ANO1: variants seen among roughly 807,000 people sequenced by gnomAD.
The protein encoded by ANO1 is anoctamin 1, also known as anoctamin-1.
ANO1 carries 59 observed loss-of-function variants against 124.0 expected under a neutral mutation model. That is an observed-to-expected ratio of 0.48 (90% CI 0.39 to 0.59). The LOEUF (loss-of-function observed/expected upper bound fraction) is 0.59, where lower values mean the gene tolerates loss of function less well. Among genes scored for constraint, ANO1 ranks in the 20% least tolerant of loss-of-function variants. The pLI, the probability that ANO1 is intolerant of heterozygous loss-of-function variation, is 0.00. For synonymous variants in ANO1, 529 were observed against 532.0 expected (o/e 0.99, Z 0.08); for missense variants, 1,059 against 1,328.0 (o/e 0.80, Z 3.15).
intron 2 of ANO1, among the ~76,000 whole-genome samples, chr11:70,101,644 T>C (rs1239511455): frequency 6.6e-6 from 1 of 150,582 alleles, no homozygotes; most frequent in African/African-American, 2.4e-5. Flanking sequence ...TTGCTTTTTG[T>C]CAACAAGCTA....
At chr11:70,003,527 C>T (rs758941000) in intron 1 of ANO1, among the ~76,000 whole-genome samples, 19 of 150,986 alleles carry the variant, frequency 1.3e-4, no homozygotes, top group Non-Finnish European at 2.1e-4. Context: ...GCTGGGAGGG[C>T]ATATCACCCT....
At chr11:69,989,047 G>A (rs1263759176) in intron 1 of ANO1, among the ~76,000 whole-genome samples, 1 of 152,118 alleles carries the variant, frequency 6.6e-6, no homozygotes, top group Admixed American at 6.5e-5. Context: ...AGCTAATGTT[G>A]GTTGAGCAGG....
chr11:70,184,324 G>T (rs2049029522), intron 24 of ANO1, among the ~76,000 whole-genome samples: 1 of 152,196 alleles, frequency 6.6e-6, no homozygotes, highest in Admixed American at 6.5e-5. Context: ...CTGGGTCTCT[G>T]TGAAAAGAGG....
the ANO1 span, among the ~76,000 whole-genome samples, chr11:69,967,458 C>T: frequency 6.6e-6 from 1 of 152,242 alleles, no homozygotes; most frequent in East Asian, 1.9e-4. Context: ...TGGGGCCAGG[C>T]CCCCGCATTC....
At chr11:70,005,352 C>T (rs558082278) in intron 1 of ANO1, among the ~76,000 whole-genome samples, 15 of 152,276 alleles carry the variant, frequency 9.9e-5, no homozygotes, top group African/African-American at 3.6e-4. Flanking sequence ...ACTGATATAT[C>T]AGAGCATAAG....
At chr11:70,052,861 A>G (rs781893512) in intron 1 of ANO1, among the ~76,000 whole-genome samples, 9 of 152,074 alleles carry the variant, frequency 5.9e-5, no homozygotes, top group Non-Finnish European at 1.2e-4. Context: ...TTTGGAGAGA[A>G]TTAATGGTTA....
At chr11:70,128,295 G>C (rs748809582) in intron 10 of ANO1, among the ~76,000 whole-genome samples, 7 of 152,158 alleles carry the variant, frequency 4.6e-5, no homozygotes, top group Non-Finnish European at 8.8e-5. Flanking sequence ...CTTGGGTTTG[G>C]TTGTGGTAAA....
At chr11:70,011,534 A>G (rs928052297) in intron 1 of ANO1, among the ~76,000 whole-genome samples, 6 of 152,128 alleles carry the variant, frequency 3.9e-5, no homozygotes, top group Non-Finnish European at 8.8e-5. Flanking sequence ...TCCATTTTCA[A>G]TAAATTCCAC....
At chr11:70,166,285 T>C (rs2048250855) in intron 20 of ANO1, among the ~76,000 whole-genome samples, 1 of 151,992 alleles carries the variant, frequency 6.6e-6, no homozygotes, top group African/African-American at 2.4e-5. Context: ...ACCACTGCAC[T>C]CCAGCCTGGG....
chr11:70,043,593 A>G (rs11237664), intron 1 of ANO1, among the ~76,000 whole-genome samples: 13,030 of 152,240 alleles, frequency 0.086, 835 homozygotes, highest in African/African-American at 0.15. Flanking sequence ...GAAAAAGGAC[A>G]TATTATGTAG....
intron 1 of ANO1, among the ~76,000 whole-genome samples, chr11:70,035,832 T>C (rs1045290975): frequency 2.0e-5 from 3 of 152,180 alleles, no homozygotes; most frequent in Non-Finnish European, 4.4e-5. Context: ...GCTTCATCCA[T>C]GTCCCTGCAA....
intron 21 of ANO1, among the ~76,000 whole-genome samples, chr11:70,167,957 C>G (rs902293565): frequency 6.6e-6 from 1 of 152,180 alleles, no homozygotes; most frequent in Admixed American, 6.5e-5. Context: ...GCAGGAGCCA[C>G]GACTTGCTCA....
intron 1 of ANO1, among the ~76,000 whole-genome samples, chr11:70,086,670 A>C (rs539864846): frequency 1.3e-5 from 2 of 152,360 alleles, no homozygotes; most frequent in African/African-American, 4.8e-5. Context: ...GAGCGGGTGC[A>C]TGATCACCCA....
At chr11:70,179,242 C>T (rs1218807641) in intron 22 of ANO1, among the ~76,000 whole-genome samples, 4 of 152,220 alleles carry the variant, frequency 2.6e-5, no homozygotes, top group African/African-American at 9.6e-5. Context: ...CCAGCCGAAC[C>T]GCTGCACACA....
At chr11:69,977,442 G>A in the ANO1 span, among the ~76,000 whole-genome samples, 1 of 152,248 alleles carries the variant, frequency 6.6e-6, no homozygotes, top group Non-Finnish European at 1.5e-5. Context: ...TGCCGACAGA[G>A]CAGTGGGCTG....
chr11:70,151,031 C>T (rs758077984), intron 12 of ANO1, among the ~76,000 whole-genome samples: 2 of 152,192 alleles, frequency 1.3e-5, no homozygotes, highest in African/African-American at 2.4e-5. Context: ...GGGTATAAGA[C>T]GGGCCTCTGG....
chr11:70,078,246 C>A (rs11233117), upstream of ANO1: 2 of 152,990 alleles, frequency 1.3e-5, no homozygotes, highest in African/African-American at 2.4e-5. Context: ...AAAATCTGAC[C>A]GGCGCGGCCA....
At chr11:70,067,963 G>T (rs1487678411) in intron 1 of ANO1, among the ~76,000 whole-genome samples, 1 of 152,118 alleles carries the variant, frequency 6.6e-6, no homozygotes, top group African/African-American at 2.4e-5. Flanking sequence ...CTGCGGGTCT[G>T]TGCCCTGGGC....
chr11:69,995,104 T>TTTTTG (rs56064129), intron 1 of ANO1, among the ~76,000 whole-genome samples: 69,928 of 141,494 alleles, frequency 0.49, 17,469 homozygotes, highest in East Asian at 0.52. Context: ...TTTTTTTTTT[T>TTTTTG]TTTTTTTTTT....
Sources: gnomAD v4.1 joint callset for allele counts (sites outside exome capture counted in the v4.1 genomes callset) on GRCh38, gnomAD v4.1.1 for gene constraint, MANE v1.5 for transcripts, NCBI Gene and HGNC (gene_info 2026-07-23, HGNC 2026-07-21) for gene names.